TDRD3: variants seen among roughly 807,000 people sequenced by gnomAD.
TDRD3 encodes tudor domain containing 3.
A neutral mutation model predicts 86.7 loss-of-function variants in TDRD3; 45 were observed. The ratio of observed to expected loss-of-function variants is 0.52; its 90% CI spans 0.41 to 0.67. The LOEUF (loss-of-function observed/expected upper bound fraction) is 0.67. Ranked by LOEUF, TDRD3 falls within the 30% of genes least tolerant of loss-of-function variation. TDRD3 has a pLI of 0.00. For missense variants in TDRD3, 814 were observed against 889.0 expected, an observed-to-expected ratio of 0.92 and a Z score of 1.07; for synonymous variants, 298 against 301.7, an observed-to-expected ratio of 0.99 and a Z score of 0.13.
At chr13:60,416,087 T>C (rs1405949574) in intron 1 of TDRD3, among the ~76,000 whole-genome samples, 1 of 152,160 alleles carries the variant, frequency 6.6e-6, no homozygotes, top group Non-Finnish European at 1.5e-5. Flanking sequence ...GGCTCAAAAA[T>C]TGTGTTTTGG....
chr13:60,490,042 G>T, intron 7 of TDRD3, among the ~76,000 whole-genome samples: 1 of 132,892 alleles, frequency 7.5e-6, no homozygotes, highest in African/African-American at 2.8e-5. Flanking sequence ...GATAATTAAA[G>T]CATCTTAGTT....
At chr13:60,482,772 T>G (rs77833721) in intron 5 of TDRD3, among the ~76,000 whole-genome samples, 11,887 of 152,120 alleles carry the variant, frequency 0.078, 638 homozygotes, top group Middle Eastern at 0.15. Context: ...ATTATCTTTA[T>G]AAAATATACA....
intron 5 of TDRD3, among the ~76,000 whole-genome samples, chr13:60,469,274 T>C (rs1956021383): frequency 6.6e-6 from 1 of 152,132 alleles, no homozygotes; most frequent in Admixed American, 6.6e-5. Flanking sequence ...GTTGATATAA[T>C]TGTATTTTTT....
chr13:60,539,309 A>G (rs1031384738), intron 12 of TDRD3, among the ~76,000 whole-genome samples: 3 of 152,140 alleles, frequency 2.0e-5, no homozygotes, highest in Admixed American at 6.6e-5. Flanking sequence ...TAAGAAAGTC[A>G]TAGTTTTTAT....
Position 60,487,652 on chromosome 13 carries a change from C to T in TDRD3, c.717+1704C>T, listed in dbSNP as rs568215899. 2.6e-5 allele frequency among the ~76,000 whole-genome samples: 4 copies of T among 152,202 alleles called. No homozygotes were observed. In the East Asian group the frequency reaches 5.8e-4, roughly 22 times the overall value. ...GATACCAAAGGATGACTGTATACCA[C>T]GTTTTCTTTATCCCTTCATCTGATG... On this transcript the variant is annotated intron_variant, in intron 7 of 13. Transcript: ENST00000377881.
At chr13:60,410,492 C>T (rs1954336760) in intron 1 of TDRD3, among the ~76,000 whole-genome samples, 1 of 152,152 alleles carries the variant, frequency 6.6e-6, no homozygotes, top group African/African-American at 2.4e-5. Flanking sequence ...TATCCTTGCT[C>T]AGTTCACTGT....
intron 5 of TDRD3, among the ~76,000 whole-genome samples, chr13:60,473,510 TG>T (rs1400556901): frequency 1.3e-5 from 2 of 152,228 alleles, no homozygotes; most frequent in Non-Finnish European, 2.9e-5. Context: ...GGGCACAAAC[TG>T]TTCCAGCATA....
upstream of TDRD3, chr13:60,397,109 T>C (rs1261880548): frequency 2.7e-6 from 1 of 367,312 alleles, no homozygotes; most frequent in East Asian, 3.9e-5. Context: ...AGCCGGTGTT[T>C]GGTGGATCAG....
intron 13 of TDRD3, among the ~76,000 whole-genome samples, chr13:60,568,333 G>T (rs572814969): frequency 9.2e-5 from 14 of 152,212 alleles, no homozygotes; most frequent in African/African-American, 3.1e-4. Flanking sequence ...CTAATGCAAG[G>T]TCATCAAGTA....
intron 1 of TDRD3, among the ~76,000 whole-genome samples, chr13:60,402,908 T>TA (rs2137798524): frequency 6.6e-6 from 1 of 152,292 alleles, no homozygotes; most frequent in African/African-American, 2.4e-5. Context: ...CATCCTTCTA[T>TA]TTTGAAATAT....
chr13:60,558,117 G>A lies in TDRD3; in HGVS notation c.2119-9408G>A, dbSNP rs116985210. On this transcript the variant is annotated intron_variant, in intron 12 of 13. Coordinates refer to ENST00000377881, the MANE Select transcript of TDRD3 (RefSeq NM_001146070.2). ...ATTACTGGCGTGAGCCACTGCACCC[G>A]ACCCTTTTATTCTGATTTTTTAAAA... is the stretch of plus-strand genomic sequence containing the variant. Among the ~76,000 whole-genome samples the A allele has an allele frequency of 1.4e-4, 22 of 152,200 alleles. No individual in the cohort carries two copies. In the East Asian group the frequency reaches 4.1e-3, roughly 28 times the overall value.
intron 10 of TDRD3, among the ~76,000 whole-genome samples, chr13:60,515,753 A>T (rs1957153987): frequency 6.6e-6 from 1 of 152,230 alleles, no homozygotes; most frequent in Non-Finnish European, 1.5e-5. Context: ...TTTTCAGCTC[A>T]TTTTAAGATA....
intron 1 of TDRD3, chr13:60,434,189 G>C (rs1255050017): frequency 6.6e-6 from 1 of 152,128 alleles, no homozygotes; most frequent in Non-Finnish European, 1.5e-5. Flanking sequence ...AGCACTTAAG[G>C]CTGGGTGTGG....
chr13:60,525,098 A>AC (rs1304603583), intron 10 of TDRD3, among the ~76,000 whole-genome samples: 1 of 149,402 alleles, frequency 6.7e-6, no homozygotes, highest in African/African-American at 2.4e-5. Context: ...AAAAAAAAAA[A>AC]AAAAAAAAAA....
chr13:60,470,646 C>T (rs574669955), intron 5 of TDRD3, among the ~76,000 whole-genome samples: 5 of 147,452 alleles, frequency 3.4e-5, no homozygotes, highest in South Asian at 2.1e-4. Context: ...TACAATGGCA[C>T]GATTTCGGCT....
chr13:60,397,639 C>T (rs1953963930), intron 1 of TDRD3, among the ~76,000 whole-genome samples: 1 of 117,736 alleles, frequency 8.5e-6, no homozygotes, highest in African/African-American at 2.7e-5. Context: ...GGCGGCGGGC[C>T]TGGGCCCCGG....
At chr13:60,488,951 T>A (rs1342500077) in intron 7 of TDRD3, among the ~76,000 whole-genome samples, 1 of 152,222 alleles carries the variant, frequency 6.6e-6, no homozygotes, top group Non-Finnish European at 1.5e-5. Context: ...ATTCTAGATA[T>A]TAACTCCTTG....
At chr13:60,424,564 C>CT (rs1406378579) in intron 1 of TDRD3, among the ~76,000 whole-genome samples, 1 of 152,000 alleles carries the variant, frequency 6.6e-6, no homozygotes, top group Non-Finnish European at 1.5e-5. Flanking sequence ...GTAGTCCCAG[C>CT]TACTCCGAAG....
chr13:60,461,843 G>A (rs1955810498), intron 4 of TDRD3, among the ~76,000 whole-genome samples: 3 of 152,158 alleles, frequency 2.0e-5, no homozygotes, highest in African/African-American at 7.2e-5. Context: ...GTATTTTAAG[G>A]TGCAGGGAGG....
Sources: allele counts gnomAD v4.1 joint callset (sites outside exome capture counted in the v4.1 genomes callset), GRCh38; gene constraint gnomAD v4.1.1; transcripts MANE v1.5; gene names NCBI Gene and HGNC (gene_info 2026-07-23, HGNC 2026-07-21).